SEC24D: variants seen among roughly 807,000 people sequenced by gnomAD.
SEC24D encodes the protein protein transport protein Sec24D.
SEC24D carries 69 observed loss-of-function variants against 116.9 expected under a neutral mutation model. That is an observed-to-expected ratio of 0.59 (90% CI 0.49 to 0.72). The LOEUF (loss-of-function observed/expected upper bound fraction) is 0.72. SEC24D is among the 30% of genes least tolerant of loss of function. The pLI, the probability that SEC24D is intolerant of heterozygous loss-of-function variation, is 0.00. For synonymous variants in SEC24D, 405 were observed against 442.8 expected (o/e 0.91, Z 1.07); for missense variants, 1,131 against 1,264.1 (o/e 0.89, Z 1.60).
At chr4:118,776,972 C>T (rs1036162926) in intron 8 of SEC24D, among the ~76,000 whole-genome samples, 1 of 151,946 alleles carries the variant, frequency 6.6e-6, no homozygotes, top group East Asian at 1.9e-4. Context: ...AATAATAAGC[C>T]CAGAGGCAAA....
At chr4:118,784,452 G>C (rs1728572061) in intron 8 of SEC24D, among the ~76,000 whole-genome samples, 1 of 152,088 alleles carries the variant, frequency 6.6e-6, no homozygotes, top group Non-Finnish European at 1.5e-5. Flanking sequence ...AAGGAAGTAT[G>C]GGATGTAGTA....
chr4:118,756,803 T>A (rs1727120463), intron 11 of SEC24D, among the ~76,000 whole-genome samples: 2 of 152,158 alleles, frequency 1.3e-5, no homozygotes. Context: ...CTAGTTTTTA[T>A]AATAAGATAA....
chr4:118,766,200 G>C (rs1218642907), intron 9 of SEC24D, among the ~76,000 whole-genome samples: 1 of 151,928 alleles, frequency 6.6e-6, no homozygotes, highest in African/African-American at 2.4e-5. Flanking sequence ...ATTTAATATT[G>C]TCTATCATCT....
In SEC24D at chr4:118,751,974, A is replaced by G. The variant is rs772595678; in HGVS notation, c.1707+22T>C. ...TGTTTTTAAAATTTATTTACTAGCA[A>G]TTAGAAGTGGCTTCTTCTCACCTTT... On this transcript the variant is annotated intron_variant, in intron 13 of 22. Transcript: ENST00000280551. The G allele has an allele frequency of 8.2e-6, 12 of 1,466,982 alleles. No homozygotes were observed. The East Asian group carries it at 2.7e-4, about 33-fold the overall frequency. The allele number at this position is 1,466,982 out of a possible 1,614,324, so 90.9% of individuals were successfully genotyped here. A position where few individuals can be genotyped will look rare whatever the true frequency, so the allele number is the denominator to read the frequency against.
chr4:118,816,865 A>G (rs906824238), intron 4 of SEC24D: 2 of 453,412 alleles, frequency 4.4e-6, no homozygotes, highest in Non-Finnish European at 4.4e-6. Flanking sequence ...ACACATAATT[A>G]AAATGCACTG....
At chr4:118,802,812 C>T (rs1333198233) in intron 7 of SEC24D, among the ~76,000 whole-genome samples, 1 of 152,204 alleles carries the variant, frequency 6.6e-6, no homozygotes, top group Non-Finnish European at 1.5e-5. Flanking sequence ...AGCAGCATTA[C>T]TCACAAGAGC....
At chr4:118,761,874 C>T (rs1325772369) in intron 10 of SEC24D, among the ~76,000 whole-genome samples, 1 of 152,146 alleles carries the variant, frequency 6.6e-6, no homozygotes, top group Non-Finnish European at 1.5e-5. Flanking sequence ...TGTTTTCTTA[C>T]GGCACTATGA....
intron 8 of SEC24D, among the ~76,000 whole-genome samples, chr4:118,777,957 G>GT (rs1728224716): frequency 1.3e-5 from 2 of 152,070 alleles, no homozygotes; most frequent in South Asian, 4.1e-4. Context: ...TGATGGGGTT[G>GT]TTTTTTTCTT....
At chr4:118,756,514 T>A (rs1396941627) in intron 11 of SEC24D, among the ~76,000 whole-genome samples, 1 of 152,004 alleles carries the variant, frequency 6.6e-6, no homozygotes, top group Non-Finnish European at 1.5e-5. Context: ...GAGCCTCACA[T>A]CTCCCAAAGC....
chr4:118,819,345 C>A (rs1305523499), intron 3 of SEC24D, among the ~76,000 whole-genome samples: 2 of 151,820 alleles, frequency 1.3e-5, no homozygotes, highest in Admixed American at 6.6e-5. Flanking sequence ...TCCTGGCTAA[C>A]ACGGTGAAAC....
chr4:118,824,780 T>C (rs752377526), intron 2 of SEC24D, 31 bp from the exon 3 acceptor site: 1 of 1,543,032 alleles, frequency 6.5e-7, no homozygotes, highest in South Asian at 1.2e-5. Flanking sequence ...TTTAGAAGTG[T>C]ATTAAAGTAC....
rs1246431570 is a variant in SEC24D, at chr4:118,769,109, T to C, written c.1042-798A>G. On this transcript the variant is annotated intron_variant, in intron 8 of 22. Coordinates refer to ENST00000280551, the MANE Select transcript of SEC24D (RefSeq NM_014822.4). ...ACTATTTCTTCAAAAATGCAGCTAT[T>C]TGAAGAAATATGCAATAATGTTCAT... 2.6e-5 allele frequency among the ~76,000 whole-genome samples: 4 copies of C among 152,216 alleles called. 1 individual carries two copies. Among genetic ancestry groups the C allele is most frequent in the East Asian group, 1.9e-4 (1 of 5,204 alleles).
chr4:118,806,615 G>T (rs1485127498), intron 6 of SEC24D, among the ~76,000 whole-genome samples: 2 of 151,572 alleles, frequency 1.3e-5, no homozygotes, highest in East Asian at 3.9e-4. Flanking sequence ...TTACAGGTGT[G>T]AGCCACTGCA....
chr4:118,778,026 A>G (rs1286794424), intron 8 of SEC24D, among the ~76,000 whole-genome samples: 1 of 152,106 alleles, frequency 6.6e-6, no homozygotes, highest in African/African-American at 2.4e-5. Context: ...AGATGGGTAG[A>G]TTGCAAAAAT....
intron 2 of SEC24D, chr4:118,833,268 T>C (rs1730951576): frequency 1.0e-5 from 2 of 194,500 alleles, no homozygotes; most frequent in Non-Finnish European, 2.1e-5. Context: ...TAAATTTAAT[T>C]CTTTTTTTAT....
chr4:118,773,197 C>T (rs1727987873), intron 8 of SEC24D, among the ~76,000 whole-genome samples: 1 of 151,842 alleles, frequency 6.6e-6, no homozygotes. Flanking sequence ...TAATCAGCAT[C>T]CTAGGACTCT....
intron 6 of SEC24D, among the ~76,000 whole-genome samples, chr4:118,814,037 T>C (rs1198564778): frequency 2.0e-5 from 3 of 152,240 alleles, no homozygotes; most frequent in Admixed American, 6.5e-5. Flanking sequence ...TTAGCTAATA[T>C]GGTAGCTTTT....
chr4:118,765,074 A>G (rs1048958838), intron 9 of SEC24D, among the ~76,000 whole-genome samples, 157 bp from the exon 10 acceptor site: 3 of 152,198 alleles, frequency 2.0e-5, no homozygotes, highest in South Asian at 2.1e-4. Context: ...TACTATTTTA[A>G]AAACATGTCT....
chr4:118,735,225 A>G (rs1446825912), intron 19 of SEC24D, among the ~76,000 whole-genome samples: 1 of 152,234 alleles, frequency 6.6e-6, no homozygotes, highest in African/African-American at 2.4e-5. Flanking sequence ...GAGAAGGAAA[A>G]TCTAATCATG....
Sources: gnomAD v4.1 joint callset for allele counts (sites outside exome capture counted in the v4.1 genomes callset) on GRCh38, gnomAD v4.1.1 for gene constraint, MANE v1.5 for transcripts, NCBI Gene and HGNC (gene_info 2026-07-23, HGNC 2026-07-21) for gene names.